Variants in CUX1 observed in about 807,000 individuals in gnomAD.
The protein encoded by CUX1 is protein CASP.
A neutral mutation model predicts 158.8 loss-of-function variants in CUX1; 31 were observed. The ratio of observed to expected loss-of-function variants is 0.20; its 90% CI spans 0.15 to 0.26. The LOEUF (loss-of-function observed/expected upper bound fraction) is 0.26. CUX1 is among the 10% of genes least tolerant of loss of function. The pLI is 1.00. For synonymous variants in CUX1, 879 were observed against 862.1 expected, an observed-to-expected ratio of 1.02 and a Z score of -0.34; for missense variants, 1,589 against 2,014.6, an observed-to-expected ratio of 0.79 and a Z score of 4.04.
rs150203028 is a variant in CUX1 at position 101,938,763 on chromosome 7, G to A, written c.141+22538G>A. ...TCTACTCAAAACACAAAAATTAGCC[G>A]AGCGTGATGGCTCATGCCGGTAATC... On this transcript the variant is annotated intron_variant, in intron 2 of 23. Transcript: ENST00000292535. 6.0e-3 allele frequency among the ~76,000 whole-genome samples: 916 copies of A among 152,130 alleles called. 10 individuals carry two copies. The highest frequency in any genetic ancestry group is 0.02 in the African/African-American group (837 of 41,508).
At chr7:102,209,340 G>A (rs1349163539) in intron 20 of CUX1, among the ~76,000 whole-genome samples, 4 of 152,154 alleles carry the variant, frequency 2.6e-5, no homozygotes, top group Non-Finnish European at 4.4e-5. Context: ...TGGGGGTGAC[G>A]GGCTTGGGCA....
intron 17 of CUX1, chr7:102,277,813 G>A (rs1262081357): frequency 2.1e-6 from 1 of 475,986 alleles, no homozygotes; most frequent in Non-Finnish European, 3.7e-6. Flanking sequence ...CACAGTGGGG[G>A]AAGGGGCAGC....
At chr7:102,013,573 A>G (rs576415947) in intron 2 of CUX1, among the ~76,000 whole-genome samples, 1 of 152,234 alleles carries the variant, frequency 6.6e-6, no homozygotes, top group Non-Finnish European at 1.5e-5. Flanking sequence ...ACACATAATA[A>G]TTCTCTAAGC....
chr7:102,267,542 AAAAAAT>A (rs1222840925), intron 14 of CUX1, among the ~76,000 whole-genome samples: 1 of 152,122 alleles, frequency 6.6e-6, no homozygotes, highest in African/African-American at 2.4e-5. Context: ...CAAAAGAAAT[AAAAAAT>A]AAAAAGACAG....
intron 2 of CUX1, among the ~76,000 whole-genome samples, chr7:102,027,296 C>T (rs1260522951): frequency 2.0e-5 from 3 of 152,064 alleles, no homozygotes; most frequent in Non-Finnish European, 2.9e-5. Flanking sequence ...TCACTCAAAC[C>T]CAGAAGGCAG....
intron 1 of CUX1, among the ~76,000 whole-genome samples, chr7:101,896,640 G>T (rs1221122429): frequency 1.3e-5 from 2 of 152,144 alleles, no homozygotes; most frequent in Non-Finnish European, 2.9e-5. Flanking sequence ...AATATTTTTG[G>T]TATAAAGCAG....
chr7:101,971,864 G>C (rs530181728), intron 2 of CUX1, among the ~76,000 whole-genome samples: 15 of 152,326 alleles, frequency 9.8e-5, no homozygotes, highest in African/African-American at 3.6e-4. Context: ...GAAGACAAGA[G>C]AATTACAGGC....
At chr7:102,109,731 C>T (rs948827073) in intron 6 of CUX1, among the ~76,000 whole-genome samples, 8 of 150,928 alleles carry the variant, frequency 5.3e-5, no homozygotes, top group African/African-American at 1.7e-4. Flanking sequence ...TGCAGTCAGC[C>T]GAGATCATGC....
At chr7:101,962,661 ACTC>A (rs1481336078) in intron 2 of CUX1, among the ~76,000 whole-genome samples, 5 of 152,020 alleles carry the variant, frequency 3.3e-5, no homozygotes, top group Non-Finnish European at 7.4e-5. Flanking sequence ...AGAATCCTCA[ACTC>A]CTCCCATTCA....
chr7:102,135,684 G>A (rs1833829541), intron 8 of CUX1, among the ~76,000 whole-genome samples: 1 of 151,904 alleles, frequency 6.6e-6, no homozygotes, highest in Admixed American at 6.6e-5. Context: ...AGAGAAAATA[G>A]TCTTTTCAGG....
chr7:102,261,592 GC>G (rs1790404971), downstream of CUX1, among the ~76,000 whole-genome samples: 1 of 151,634 alleles, frequency 6.6e-6, no homozygotes, highest in African/African-American at 2.4e-5. Context: ...CCCATTTGGG[GC>G]AGTGGTGTGG....
chr7:102,054,203 T>C (rs949541148), intron 3 of CUX1, among the ~76,000 whole-genome samples: 3 of 152,224 alleles, frequency 2.0e-5, no homozygotes, highest in African/African-American at 7.2e-5. Context: ...ATTTGTGCTT[T>C]TGGCATCATA....
At chr7:102,127,190 T>C (rs1832732120) in intron 8 of CUX1, among the ~76,000 whole-genome samples, 1 of 152,170 alleles carries the variant, frequency 6.6e-6, no homozygotes, top group Non-Finnish European at 1.5e-5. Context: ...CCCTGATCTA[T>C]ATAGTGCTTT....
At chr7:101,907,170 T>C (rs111270880) in intron 1 of CUX1, among the ~76,000 whole-genome samples, 23 of 152,294 alleles carry the variant, frequency 1.5e-4, no homozygotes, top group African/African-American at 5.3e-4. Context: ...GAACGTTCAC[T>C]TTGGGAATTC....
Position 102,158,554 on chromosome 7 carries a change from T to C in CUX1, c.675-6T>C. 2 of 1,613,792 alleles carry C rather than the reference T, an allele frequency of 1.2e-6. No individual in the cohort carries two copies. The highest frequency in any genetic ancestry group is 2.2e-5 in the South Asian group (2 of 91,076). On this transcript the variant is annotated splice_region_variant and splice_polypyrimidine_tract_variant and intron_variant, in intron 8 of 23. Coordinates refer to ENST00000292535, the MANE Select transcript of CUX1 (RefSeq NM_181552.4). ...CTAACCTGCTCTCTCCCTCTCACCC[T>C]CCTAGGGCCGACGAGATTGAAATGA...
chr7:102,246,264 C>G (rs1298525846), intron 23 of CUX1, among the ~76,000 whole-genome samples: 1 of 152,160 alleles, frequency 6.6e-6, no homozygotes, highest in Non-Finnish European at 1.5e-5. Context: ...CGCCCAGGAA[C>G]CTGTTCACAG....
downstream of CUX1, among the ~76,000 whole-genome samples, chr7:102,259,750 A>AG (rs1395421677): frequency 2.2e-4 from 6 of 27,672 alleles, no homozygotes; most frequent in Non-Finnish European, 7.2e-4. Flanking sequence ...TTAAAAAAAA[A>AG]AAAAAAAGAA....
intron 2 of CUX1, among the ~76,000 whole-genome samples, chr7:101,971,498 T>C (rs1371004064): frequency 6.6e-6 from 1 of 151,994 alleles, no homozygotes; most frequent in Non-Finnish European, 1.5e-5. Context: ...AAAAATAAAT[T>C]GTAAATAAAG....
chr7:102,045,349 G>A (rs545245286), intron 3 of CUX1, among the ~76,000 whole-genome samples: 2 of 152,204 alleles, frequency 1.3e-5, no homozygotes, highest in Admixed American at 6.5e-5. Context: ...GGCAGGAGCC[G>A]TGCGCCTGTG....
Sources: allele counts gnomAD v4.1 joint callset (sites outside exome capture counted in the v4.1 genomes callset), GRCh38; gene constraint gnomAD v4.1.1; transcripts MANE v1.5; gene names NCBI Gene and HGNC (gene_info 2026-07-23, HGNC 2026-07-21).